Variants in NCAM2 observed in about 807,000 individuals in gnomAD.
NCAM2 encodes the protein neural cell adhesion molecule 2, also known as N-CAM-2.
In NCAM2, 30 loss-of-function variants were observed where a neutral mutation model predicts 98.1. The ratio of observed to expected loss-of-function variants is 0.31; its 90% confidence interval spans 0.23 to 0.41. The LOEUF (loss-of-function observed/expected upper bound fraction) is 0.41. Ranked by LOEUF, NCAM2 falls within the 10% of genes least tolerant of loss-of-function variation. The probability of loss-of-function intolerance (pLI) is 1.00; values close to 1 mark genes in which losing one functional copy is unlikely to be tolerated. For synonymous variants in NCAM2, 368 were observed against 342.4 expected, an observed-to-expected ratio of 1.07 and a Z score of -0.83; for missense variants, 867 against 1,005.8, an observed-to-expected ratio of 0.86 and a Z score of 1.87.
At chr21:21,314,205 A>T (rs2074146898) in intron 5 of NCAM2, among the ~76,000 whole-genome samples, 1 of 152,046 alleles carries the variant, frequency 6.6e-6, no homozygotes, top group Non-Finnish European at 1.5e-5. Flanking sequence ...CTTTTGTATC[A>T]GGTCTGCTGG....
chr21:21,100,100 T>C (rs1156599678), intron 1 of NCAM2, among the ~76,000 whole-genome samples: 1 of 151,944 alleles, frequency 6.6e-6, no homozygotes, highest in African/African-American at 2.4e-5. Flanking sequence ...AAATGTCAAA[T>C]TGTTAGTTTT....
chr21:21,431,323 T>TG (rs974272705), intron 11 of NCAM2, among the ~76,000 whole-genome samples: 1 of 150,902 alleles, frequency 6.6e-6, no homozygotes, highest in African/African-American at 2.4e-5. Context: ...CACTGGGATT[T>TG]TTTTTTTTTC....
chr21:21,151,968 T>A (rs1462134191), intron 1 of NCAM2, among the ~76,000 whole-genome samples: 1 of 151,980 alleles, frequency 6.6e-6, no homozygotes, highest in Non-Finnish European at 1.5e-5. Context: ...TAATTAGAGA[T>A]TATTAAGTTT....
chr21:21,354,793 A>G lies in NCAM2; in HGVS notation c.1044+16259A>G, dbSNP rs181537557. On this transcript the variant is annotated intron_variant, in intron 8 of 17. Transcript: ENST00000400546. ...CTAATGGGCACTGAGTTTATTCACA[A>G]ATCATTGTAAAAGAAACTCATTTAC... is the stretch of plus-strand genomic sequence containing the variant. Among the ~76,000 whole-genome samples, 266 of 151,666 alleles carry G rather than the reference A, an allele frequency of 1.8e-3. 1 individual carries two copies. Among genetic ancestry groups the G allele is most frequent in the Non-Finnish European group, 8.2e-4 (56 of 68,000 alleles).
At chr21:21,440,730 GA>G (rs1181313586) in intron 12 of NCAM2, among the ~76,000 whole-genome samples, 1 of 150,086 alleles carries the variant, frequency 6.7e-6, no homozygotes, top group Non-Finnish European at 1.5e-5. Context: ...CAGAGAAGGA[GA>G]GAAAAAGAAA....
intron 1 of NCAM2, among the ~76,000 whole-genome samples, chr21:21,265,771 GA>G (rs2072246169): frequency 6.6e-6 from 1 of 151,776 alleles, no homozygotes; most frequent in Non-Finnish European, 1.5e-5. Context: ...AGGAGAGGGG[GA>G]AATGTGTTGA....
intron 1 of NCAM2, among the ~76,000 whole-genome samples, chr21:21,012,885 G>T (rs1051704230): frequency 3.3e-5 from 5 of 152,058 alleles, no homozygotes; most frequent in Admixed American, 6.6e-5. Flanking sequence ...GATCGTTGAT[G>T]TTACAATTGT....
chr21:21,434,969 T>G (rs1285045392), intron 12 of NCAM2, among the ~76,000 whole-genome samples: 1 of 152,094 alleles, frequency 6.6e-6, no homozygotes, highest in Non-Finnish European at 1.5e-5. Context: ...ACCTGCCCCT[T>G]GGGGATGTGT....
intron 10 of NCAM2, among the ~76,000 whole-genome samples, chr21:21,416,322 C>A (rs953555737): frequency 6.6e-6 from 1 of 151,936 alleles, no homozygotes; most frequent in Non-Finnish European, 1.5e-5. Flanking sequence ...TACAATAGTA[C>A]CATCAAAGAT....
At chr21:21,199,518 G>T (rs1298274027) in intron 1 of NCAM2, among the ~76,000 whole-genome samples, 1 of 152,152 alleles carries the variant, frequency 6.6e-6, no homozygotes, top group Non-Finnish European at 1.5e-5. Context: ...CCTGTCTAGG[G>T]TCTTCCTCCA....
chr21:21,220,269 C>T (rs2070090631), intron 1 of NCAM2, among the ~76,000 whole-genome samples: 1 of 152,124 alleles, frequency 6.6e-6, no homozygotes, highest in African/African-American at 2.4e-5. Flanking sequence ...CCTGCAAGTT[C>T]TATTCATGGT....
chr21:21,221,368 TTC>T (rs548930793), intron 1 of NCAM2, among the ~76,000 whole-genome samples: 176 of 708 alleles, frequency 0.25, no homozygotes, highest in African/African-American at 0.41. Context: ...CACCCAAATT[TTC>T]CCAGGGAAGT....
At chr21:21,360,493 A>G (rs936867283) in intron 8 of NCAM2, among the ~76,000 whole-genome samples, 5 of 152,006 alleles carry the variant, frequency 3.3e-5, no homozygotes, top group Non-Finnish European at 7.4e-5. Context: ...GATTGACAAT[A>G]ATATATCTAC....
At chr21:21,264,690 C>T (rs943962225) in intron 1 of NCAM2, among the ~76,000 whole-genome samples, 1 of 149,024 alleles carries the variant, frequency 6.7e-6, no homozygotes. Flanking sequence ...TATATACACA[C>T]ACATACATAC....
chr21:21,365,532 C>T (rs1015619916), intron 8 of NCAM2, among the ~76,000 whole-genome samples: 3 of 151,724 alleles, frequency 2.0e-5, no homozygotes, highest in Admixed American at 6.6e-5. Flanking sequence ...AAAATCGTGG[C>T]ATATGCAAGG....
At chr21:21,512,711 A>C (rs1415524325) in intron 16 of NCAM2, among the ~76,000 whole-genome samples, 1 of 151,990 alleles carries the variant, frequency 6.6e-6, no homozygotes, top group Non-Finnish European at 1.5e-5. Context: ...TTATTGTTTT[A>C]ATCCACCAAC....
chr21:21,377,006 C>T (rs1230537762), intron 9 of NCAM2, among the ~76,000 whole-genome samples: 1 of 151,642 alleles, frequency 6.6e-6, no homozygotes, highest in African/African-American at 2.4e-5. Flanking sequence ...AATATAACTA[C>T]TTTTTGTTTT....
chr21:21,500,341 A>G lies in NCAM2; in HGVS notation c.2078-8510A>G, dbSNP rs73896936. On this transcript the variant is annotated intron_variant, in intron 15 of 17. Transcript: ENST00000400546. Reference sequence around the variant, plus strand: ...CAAATAAGGAGTTTTAATGTGAATTAAAATTGAATAAATCTATCCATTTAG... The same window carrying G: ...CAAATAAGGAGTTTTAATGTGAATTGAAATTGAATAAATCTATCCATTTAG... 5.8e-3 allele frequency among the ~76,000 whole-genome samples: 889 copies of G among 152,268 alleles called. 9 individuals carry two copies. Among genetic ancestry groups the G allele is most frequent in the African/African-American group, 0.02 (847 of 41,564 alleles).
chr21:21,306,052 C>G (rs557068227), intron 5 of NCAM2, among the ~76,000 whole-genome samples: 12 of 152,128 alleles, frequency 7.9e-5, no homozygotes, highest in African/African-American at 2.9e-4. Context: ...GTGGATTTTC[C>G]AGAGATAGTT....
Sources: allele counts gnomAD v4.1 joint callset (sites outside exome capture counted in the v4.1 genomes callset), GRCh38; gene constraint gnomAD v4.1.1; transcripts MANE v1.5; gene names NCBI Gene and HGNC (gene_info 2026-07-23, HGNC 2026-07-21).